Variants in C14orf39 observed in about 807,000 individuals in gnomAD.
C14orf39 encodes chromosome 14 open reading frame 39, also known as protein SIX6OS1.
Under a neutral mutation model 85.6 loss-of-function variants are expected in C14orf39, and 66 were observed. That is an observed-to-expected ratio of 0.77 (90% CI 0.63 to 0.95). C14orf39 has a LOEUF of 0.95. Ranked by LOEUF, C14orf39 falls within the 40% of genes least tolerant of loss-of-function variation. C14orf39 has a pLI of 0.00. For missense variants in C14orf39, 735 were observed against 663.9 expected (o/e 1.11, Z -1.18); for synonymous variants, 242 against 214.0 (o/e 1.13, Z -1.14).
intron 5 of C14orf39, among the ~76,000 whole-genome samples, chr14:60,476,845 C>G (rs1414534043): frequency 6.6e-6 from 1 of 151,152 alleles, no homozygotes; most frequent in Non-Finnish European, 1.5e-5. Context: ...AAAGCCTCTA[C>G]TTATCCTAAG....
intron 2 of C14orf39, among the ~76,000 whole-genome samples, chr14:60,492,259 C>T (rs1566686577): frequency 6.6e-6 from 1 of 152,168 alleles, no homozygotes; most frequent in East Asian, 1.9e-4. Context: ...AAGTTATGGC[C>T]TTTTTCTCTC....
At chr14:60,446,631 C>T (rs1027586693) in intron 16 of C14orf39, among the ~76,000 whole-genome samples, 1 of 152,164 alleles carries the variant, frequency 6.6e-6, no homozygotes, top group Non-Finnish European at 1.5e-5. Context: ...CAAAGAGGAG[C>T]TGACACCATT....
chr14:60,482,203 G>A (rs899028576), intron 4 of C14orf39, among the ~76,000 whole-genome samples: 11 of 152,224 alleles, frequency 7.2e-5, no homozygotes, highest in Middle Eastern at 3.4e-3. Context: ...TCTAGGACAC[G>A]GTAGGTTCTA....
intron 1 of C14orf39, among the ~76,000 whole-genome samples, chr14:60,510,399 T>C (rs984302212): frequency 2.0e-5 from 3 of 152,240 alleles, no homozygotes; most frequent in African/African-American, 7.2e-5. Context: ...AGCCCAGGTA[T>C]ATCCCTCCCT....
intron 1 of C14orf39, among the ~76,000 whole-genome samples, chr14:60,501,781 A>G (rs1893153446): frequency 1.3e-5 from 2 of 152,242 alleles, no homozygotes; most frequent in South Asian, 4.1e-4. Flanking sequence ...TAAGGCAGGC[A>G]TCAAAAGATT....
chr14:60,512,965 G>A, intron 1 of C14orf39: 1 of 152,156 alleles, frequency 6.6e-6, no homozygotes, highest in East Asian at 1.9e-4. Flanking sequence ...AACTTCTTTA[G>A]GCAGAAGTGC....
At chr14:60,446,031 C>T (rs574351685) in intron 16 of C14orf39, among the ~76,000 whole-genome samples, 57 of 152,200 alleles carry the variant, frequency 3.7e-4, no homozygotes, top group African/African-American at 1.3e-3. Flanking sequence ...AAAGACAAAA[C>T]GTACCAGAAT....
intron 1 of C14orf39, chr14:60,511,572 T>A: frequency 1.9e-6 from 1 of 519,656 alleles, no homozygotes; most frequent in South Asian, 2.1e-5. Context: ...GCCCAGATTC[T>A]CCCATGGGTA....
At chr14:60,500,897 G>A (rs1893136049) in intron 1 of C14orf39, among the ~76,000 whole-genome samples, 1 of 151,928 alleles carries the variant, frequency 6.6e-6, no homozygotes, top group Admixed American at 6.6e-5. Flanking sequence ...ATTTCCAGTA[G>A]GAAAAAAACC....
rs997994209 is a variant in C14orf39, at chr14:60,436,775, A to C, written c.*70T>G. ...TAAAAGAAAGCAGTCTTCATGTTTT[A>C]AGCAATAATGTAAATTTATGCCCTC... On this transcript the variant is annotated 3_prime_UTR_variant, in exon 18 of 18. Coordinates refer to ENST00000321731, the MANE Select transcript of C14orf39 (RefSeq NM_174978.3). 9.2e-6 allele frequency: 9 copies of C among 980,590 alleles called. No homozygotes were observed. The highest frequency in any genetic ancestry group is 1.4e-5 in the Non-Finnish European group (9 of 641,892). 60.7% of individuals were successfully genotyped at this position (980,590 alleles called of 1,614,324 possible). A position where few individuals can be genotyped will look rare whatever the true frequency, so the allele number is the denominator to read the frequency against.
intron 2 of C14orf39, chr14:60,493,627 T>G (rs1416215029): frequency 6.6e-6 from 1 of 152,242 alleles, no homozygotes; most frequent in East Asian, 1.9e-4. Flanking sequence ...TTGGTATAAA[T>G]TTTTATTTCA....
chr14:60,476,711 A>C (rs1049657523), intron 5 of C14orf39, among the ~76,000 whole-genome samples: 1 of 152,154 alleles, frequency 6.6e-6, no homozygotes, highest in Non-Finnish European at 1.5e-5. Context: ...CATGACTTAC[A>C]TTGACAGATG....
At position 60,515,461 on chromosome 14, in the gene C14orf39, G is replaced by A. The variant is rs967247476; in HGVS notation, c.-210C>T. ...CTCGAGCCACTCCTACTGTTGGGCT[G>A]CGTGACTCAGCGGCTCGAGGAGAGA... is the stretch of plus-strand genomic sequence containing the variant. On this transcript the variant is annotated 5_prime_UTR_variant, in exon 1 of 6. Coordinates refer to the C14orf39 transcript ENST00000556799. This position sits in a 1 kb window ranked among gnomAD's most constrained non-coding sequence, Gnocchi z 6.2. 6.6e-6 allele frequency: 1 copy of A among 151,890 alleles called. No individual in the cohort carries two copies. Among genetic ancestry groups the A allele is most frequent in the Non-Finnish European group, 1.5e-5 (1 of 67,904 alleles). 9.4% of individuals were successfully genotyped at this position (151,890 alleles called of 1,614,324 possible).
rs115317470 is a variant in C14orf39 at position 60,483,651 on chromosome 14, T to C, written c.233+40A>G. 4.6e-4 allele frequency: 717 copies of C among 1,544,212 alleles called. 4 individuals are homozygous for C. The African/African-American group carries it at 9.0e-3, about 19-fold the overall frequency. ...CAACTGTAAACTCAAAAACCCTAAA[T>C]AAAAGAATGCAATGAAAATTGATTC... On this transcript the variant is annotated intron_variant, in intron 4 of 17. Coordinates refer to ENST00000321731, the MANE Select transcript of C14orf39 (RefSeq NM_174978.3).
At chr14:60,502,781 C>T (rs1024220444) in intron 1 of C14orf39, among the ~76,000 whole-genome samples, 31 of 152,178 alleles carry the variant, frequency 2.0e-4, no homozygotes, top group Admixed American at 1.2e-3. Context: ...CTCTGTGTTT[C>T]CATTTAAAAA....
rs1250551421 is a variant in C14orf39 at position 60,483,762 on chromosome 14, AG to A, written c.161del (p.Thr54IlefsTer2). The A allele has an allele frequency of 6.4e-7, 1 of 1,573,276 alleles. No homozygotes were observed. Among genetic ancestry groups the A allele is most frequent in the East Asian group, 2.3e-5 (1 of 44,196 alleles). On this transcript the variant is annotated frameshift_variant, in exon 4 of 18. Transcript: ENST00000321731. LOFTEE classifies it high-confidence loss of function. ...CAATTTCCTCATCTGTTGCATTTAT[AG>A]TTTCGTGTATCCTACAAATAGTTAC... The part of the protein sequence containing the change: ...NKVTICRIHE[T>X]INATDEEIDH...
chr14:60,508,107 C>T (rs900738288), intron 1 of C14orf39, among the ~76,000 whole-genome samples: 3 of 152,110 alleles, frequency 2.0e-5, no homozygotes, highest in Admixed American at 1.3e-4. Flanking sequence ...TTTCTGGGCC[C>T]CCGCATTGTC....
rs1365683636 is a variant in C14orf39, at chr14:60,468,499, T to G, written c.713A>C (p.Glu238Ala). ...ATTTTTGTTCTTTTCTTCCAGAGTTTCTGAAAGAGCCTTAGTTTCATTATG... is the reference window on the plus strand; with the variant it reads ...ATTTTTGTTCTTTTCTTCCAGAGTTGCTGAAAGAGCCTTAGTTTCATTATG... ...SRHNETKALS[E>A]TLEEKNKNTE... The change falls in exon 9 of 18, where the codon GAA (glutamate) becomes GCA (alanine). Residue 238 changes from glutamate to alanine, a missense_variant. By Grantham distance (107) the Glu-to-Ala change is moderately radical (BLOSUM62 -1). Coordinates refer to ENST00000321731, the MANE Select transcript of C14orf39 (RefSeq NM_174978.3). 19 of 1,597,120 alleles carry G rather than the reference T, an allele frequency of 1.2e-5. No homozygotes were observed. Among genetic ancestry groups the G allele is most frequent in the Non-Finnish European group, 1.5e-5 (18 of 1,170,832 alleles).
At chr14:60,509,562 G>T in intron 1 of C14orf39, 1 of 1,611,978 alleles carries the variant, frequency 6.2e-7, no homozygotes. Context: ...TCGGTGCTAC[G>T]CGCACGAGCC....
Sources: gnomAD v4.1 joint callset for allele counts (sites outside exome capture counted in the v4.1 genomes callset) on GRCh38, gnomAD v4.1.1 for gene constraint, Gnocchi (gnomAD v3.1) non-coding constraint, MANE v1.5 for transcripts, NCBI Gene and HGNC (gene_info 2026-07-23, HGNC 2026-07-21) for gene names.